The following TANGO2 variants were observed in gnomAD, a reference collection of about 807,000 sequenced individuals.
TANGO2 encodes the protein transport and golgi organization 2 homolog, also known as transport and Golgi organization protein 2 homolog.
Under a neutral mutation model 39.1 loss-of-function variants are expected in TANGO2, and 26 were observed. The observed-to-expected ratio is 0.67, with a 90% CI of 0.49 to 0.92. The LOEUF is 0.92. Among genes scored for constraint, TANGO2 ranks in the 40% least tolerant of loss-of-function variants. The pLI, the probability that TANGO2 is intolerant of heterozygous loss-of-function variation, is 0.00. For missense variants in TANGO2, 326 were observed against 360.1 expected (o/e 0.91, Z 0.77); for synonymous variants, 131 against 144.5 (o/e 0.91, Z 0.67).
At chr22:20,062,261 C>G (rs1013537254) in intron 7 of TANGO2, among the ~76,000 whole-genome samples, 3 of 152,162 alleles carry the variant, frequency 2.0e-5, no homozygotes, top group African/African-American at 4.8e-5. Flanking sequence ...TTGCCCCAGC[C>G]GGGGGTCCTG....
chr22:20,061,340 C>T lies in TANGO2; in HGVS notation c.452-190C>T, dbSNP rs73389740. 0.011 allele frequency: 6,951 copies of T among 607,244 alleles called. 365 individuals are homozygous for T. The highest frequency in any genetic ancestry group is 0.11 in the African/African-American group (6,086 of 53,438). 37.6% of individuals were successfully genotyped at this position (607,244 alleles called of 1,614,324 possible). ...CCGCTTCCGCCTACTGCTGAGTTCT[C>T]CTCTCCTTGCCATGCCATCAGGTCA... On this transcript the variant is annotated intron_variant, in intron 6 of 8. Coordinates refer to ENST00000327374, the MANE Select transcript of TANGO2 (RefSeq NM_152906.7).
intron 6 of TANGO2, among the ~76,000 whole-genome samples, chr22:20,058,638 T>C (rs1479741297): frequency 7.3e-6 from 1 of 136,138 alleles, no homozygotes; most frequent in South Asian, 2.5e-4. Flanking sequence ...TGAGATTGCA[T>C]CTCAAAAAAA....
At chr22:20,056,207 C>T (rs371253518) in intron 6 of TANGO2, 194 bp downstream of exon 6, 1 of 699,468 alleles carries the variant, frequency 1.4e-6, no homozygotes, top group East Asian at 2.7e-5. Context: ...CCTGCTCACC[C>T]CCTCCCCATG....
chr22:20,052,469 G>T lies in TANGO2; in HGVS notation c.150G>T (p.Leu50=). 6.2e-7 allele frequency: 1 copy of T among 1,600,448 alleles called. No individual in the cohort carries two copies. Among genetic ancestry groups the T allele is most frequent in the Non-Finnish European group, 8.5e-7 (1 of 1,173,628 alleles). Residue 50 remains leucine, a synonymous_variant, in exon 4 of 9, where the codon CTG becomes CTT. Transcript: ENST00000327374. ...TAACACTGTCATCTGCCACAGGGCT[G>T]GACATGGAGGAAGGCAAGGAAGGAG... ...WGNNNEILSG[L]DMEEGKEGGT...
intron 6 of TANGO2, chr22:20,061,297 G>C (rs1602386766): frequency 2.2e-6 from 1 of 454,068 alleles, no homozygotes; most frequent in East Asian, 3.6e-5. Context: ...TCTGTGCCTT[G>C]TGGTCTCCTG....
chr22:20,025,564 C>T (rs1307169993), intron 1 of TANGO2, among the ~76,000 whole-genome samples: 1 of 152,190 alleles, frequency 6.6e-6, no homozygotes, highest in Non-Finnish European at 1.5e-5. Context: ...TCGTGTCCCC[C>T]AGTGGCTGCC....
intron 2 of TANGO2, among the ~76,000 whole-genome samples, chr22:20,040,097 T>C (rs1304031810): frequency 1.3e-5 from 2 of 152,184 alleles, no homozygotes; most frequent in African/African-American, 4.8e-5. Flanking sequence ...AGAGAGCTAC[T>C]TCCTCCTCCC....
At chr22:20,038,344 A>G (rs2043247301) in intron 2 of TANGO2, among the ~76,000 whole-genome samples, 1 of 152,214 alleles carries the variant, frequency 6.6e-6, no homozygotes, top group African/African-American at 2.4e-5. Flanking sequence ...GCCCCAGGAA[A>G]CTAGCACGCT....
chr22:20,038,648 G>A (rs754161886), intron 2 of TANGO2, among the ~76,000 whole-genome samples: 4 of 152,230 alleles, frequency 2.6e-5, no homozygotes, highest in Non-Finnish European at 4.4e-5. Flanking sequence ...AGCCAAAGAC[G>A]AAATGTGCCA....
rs534601864 is a variant in TANGO2, at chr22:20,050,867, G to T, written c.146-1598G>T. On this transcript the variant is annotated intron_variant, in intron 3 of 8. Transcript: ENST00000327374. The stretch of plus-strand genomic sequence containing the variant: ...GTTTTTTTTTTTTTTTTGAGACAGA[G>T]TTTCGCTGAGAGTGCAATGGTGTGA... Among the ~76,000 whole-genome samples, 275 of 141,932 alleles carry T rather than the reference G, an allele frequency of 1.9e-3. 1 individual carries two copies. Among genetic ancestry groups the T allele is most frequent in the African/African-American group, 6.8e-3 (257 of 37,960 alleles). 93.1% of individuals were successfully genotyped at this position (141,932 alleles called of 152,430 possible).
At chr22:20,056,780 G>A in intron 6 of TANGO2, 1 of 456,588 alleles carries the variant, frequency 2.2e-6, no homozygotes, top group Non-Finnish European at 4.4e-6. Context: ...AAACTGTAGG[G>A]ACCATAGCCT....
chr22:20,025,663 A>C (rs189017863), intron 1 of TANGO2, among the ~76,000 whole-genome samples: 1 of 152,172 alleles, frequency 6.6e-6, no homozygotes, highest in African/African-American at 2.4e-5. Context: ...GCAGAGTGCT[A>C]TCTTCTGGCT....
intron 3 of TANGO2, among the ~76,000 whole-genome samples, chr22:20,045,087 G>C (rs551596216): frequency 6.6e-6 from 1 of 152,204 alleles, no homozygotes; most frequent in Admixed American, 6.5e-5. Context: ...TAGGACAGTG[G>C]TTCTCCAGGT....
upstream of TANGO2, among the ~76,000 whole-genome samples, chr22:20,017,493 C>T (rs1945277696): frequency 6.6e-6 from 1 of 152,142 alleles, no homozygotes; most frequent in Non-Finnish European, 1.5e-5. Context: ...GGCTCACCTC[C>T]CCCACCAGGC....
At chr22:20,060,580 G>T (rs533362485) in intron 6 of TANGO2, among the ~76,000 whole-genome samples, 1 of 152,116 alleles carries the variant, frequency 6.6e-6, no homozygotes, top group Admixed American at 6.6e-5. Flanking sequence ...TAACTTTTGT[G>T]TATGGTGTCA....
intron 1 of TANGO2, among the ~76,000 whole-genome samples, chr22:20,023,526 G>A (rs2040131686): frequency 6.6e-6 from 1 of 152,232 alleles, no homozygotes; most frequent in East Asian, 1.9e-4. Flanking sequence ...CGGAAGCATT[G>A]TGAAGATCTG....
intron 1 of TANGO2, among the ~76,000 whole-genome samples, chr22:20,028,709 C>T (rs1235706331): frequency 6.6e-6 from 1 of 152,216 alleles, no homozygotes; most frequent in Non-Finnish European, 1.5e-5. Flanking sequence ...TGTTGGCCTC[C>T]TCAGAAGGGG....
chr22:20,036,939 A>C (rs761777700), intron 2 of TANGO2, 85 bp downstream of exon 2: 16 of 1,613,758 alleles, frequency 9.9e-6, no homozygotes, highest in Non-Finnish European at 1.1e-5. Context: ...TGCTGTGTGC[A>C]GGAAGGTGTG....
intron 3 of TANGO2, 67 bp from the exon 4 acceptor site, chr22:20,052,398 G>T (rs2046517913): frequency 6.5e-7 from 1 of 1,548,644 alleles, no homozygotes; most frequent in Non-Finnish European, 8.7e-7. Flanking sequence ...CGTCTCCCAG[G>T]GCTGGGAACC....
Sources: allele counts gnomAD v4.1 joint callset (sites outside exome capture counted in the v4.1 genomes callset), GRCh38; gene constraint gnomAD v4.1.1; transcripts MANE v1.5; gene names NCBI Gene and HGNC (gene_info 2026-07-23, HGNC 2026-07-21).